The following GRIA4 variants were observed in gnomAD, a reference collection of about 807,000 sequenced individuals.
GRIA4 encodes glutamate ionotropic receptor AMPA type subunit 4, also known as glutamate receptor 4.
GRIA4 carries 34 observed loss-of-function variants against 104.0 expected under a neutral mutation model. That is an observed-to-expected ratio of 0.33 (90% confidence interval 0.25 to 0.44). GRIA4 has a LOEUF of 0.44. Among genes scored for constraint, GRIA4 ranks in the 20% least tolerant of loss-of-function variants. The pLI is 1.00. For missense variants in GRIA4, 750 were observed against 1,096.5 expected, an observed-to-expected ratio of 0.68 and a Z score of 4.46; for synonymous variants, 386 against 381.9, an observed-to-expected ratio of 1.01 and a Z score of -0.13.
chr11:105,781,988 G>A (rs1941748649), intron 4 of GRIA4, among the ~76,000 whole-genome samples: 1 of 152,158 alleles, frequency 6.6e-6, no homozygotes, highest in Non-Finnish European at 1.5e-5. Context: ...AGCAGAAGAT[G>A]GTGCCTAGGA....
At chr11:105,617,830 G>T (rs1950639162) in intron 3 of GRIA4, among the ~76,000 whole-genome samples, 1 of 152,024 alleles carries the variant, frequency 6.6e-6, no homozygotes, top group African/African-American at 2.4e-5. Context: ...ATAGCCCAGT[G>T]GGAAAGAGAG....
intron 3 of GRIA4, among the ~76,000 whole-genome samples, chr11:105,650,539 A>G (rs1951656814): frequency 6.6e-6 from 1 of 152,180 alleles, no homozygotes; most frequent in African/African-American, 2.4e-5. Flanking sequence ...CTTGACAACA[A>G]CCTAAAACTC....
intron 5 of GRIA4, among the ~76,000 whole-genome samples, chr11:105,864,168 T>C (rs1945326030): frequency 6.6e-6 from 1 of 152,230 alleles, no homozygotes; most frequent in Non-Finnish European, 1.5e-5. Context: ...TAATGTACTC[T>C]TAATTGTCCT....
chr11:105,644,534 A>T (rs1050420985), intron 3 of GRIA4, among the ~76,000 whole-genome samples: 6 of 151,916 alleles, frequency 3.9e-5, no homozygotes, highest in African/African-American at 1.2e-4. Flanking sequence ...AACCTGGGAG[A>T]TGGAGGTTGC....
intron 3 of GRIA4, among the ~76,000 whole-genome samples, chr11:105,652,152 T>C (rs558302857): frequency 1.1e-3 from 173 of 152,260 alleles, no homozygotes; most frequent in East Asian, 5.0e-3. Context: ...AGCATTTTCA[T>C]TGTATTAAGA....
intron 5 of GRIA4, among the ~76,000 whole-genome samples, chr11:105,868,477 A>C (rs1945506722): frequency 6.6e-6 from 1 of 152,090 alleles, no homozygotes; most frequent in Non-Finnish European, 1.5e-5. Context: ...TCCCCTAGTG[A>C]TGATAGGGGT....
chr11:105,738,920 T>TAAAAAAAAAAA (rs1208334069), intron 3 of GRIA4, among the ~76,000 whole-genome samples: 1 of 49,302 alleles, frequency 2.0e-5, no homozygotes, highest in African/African-American at 7.8e-5. Context: ...AGTTGACAAG[T>TAAAAAAAAAAA]AAAAAAAAAC....
At chr11:105,702,334 T>G (rs1953526908) in intron 3 of GRIA4, among the ~76,000 whole-genome samples, 1 of 152,080 alleles carries the variant, frequency 6.6e-6, no homozygotes, top group African/African-American at 2.4e-5. Context: ...AATTCCCAAG[T>G]CATTGTGATG....
In GRIA4 at chr11:105,611,002, G is replaced by A. The variant is rs750195433; in HGVS notation, c.5G>A (p.Arg2Lys). Residue 2 changes from arginine (R) to lysine (K), a missense_variant, in exon 2 of 17, where the codon AGG (arginine) becomes AAG (lysine). Arg to Lys is a conservative substitution (Grantham distance 26, BLOSUM62 2). Coordinates refer to ENST00000282499, the MANE Select transcript of GRIA4 (RefSeq NM_000829.4). M[R>K]IISRQIVLLF... ...CCAGGGAGAGGAGAAAAGAAGATGA[G>A]GATTATTTCCAGACAGATTGTCTTG... 8 of 1,609,296 alleles carry A rather than the reference G, an allele frequency of 5.0e-6. No homozygotes were observed. In the East Asian group the frequency reaches 1.3e-4, roughly 27 times the overall value.
rs1283687549 is a variant in GRIA4 at position 105,705,401 on chromosome 11, TA to T, written c.248-47576del. Among the ~76,000 whole-genome samples, 14 of 152,114 alleles carry T rather than the reference TA, an allele frequency of 9.2e-5. No individual in the cohort carries two copies. The South Asian group carries it at 1.9e-3, about 20-fold the overall frequency. Reference sequence around the variant, plus strand: ...TGTACTTCTCAAAATCCAGAGGAGATAAAACAAGAATAAACCAACTACAAAT... The same window carrying T: ...TGTACTTCTCAAAATCCAGAGGAGATAAACAAGAATAAACCAACTACAAAT... On this transcript the variant is annotated intron_variant, in intron 3 of 16. Transcript: ENST00000282499.
chr11:105,965,677 C>CAA (rs5794440), intron 14 of GRIA4, among the ~76,000 whole-genome samples: 10 of 151,710 alleles, frequency 6.6e-5, no homozygotes, highest in East Asian at 3.9e-4. Flanking sequence ...ACTGTTTTGC[C>CAA]AAAAAAAATC....
intron 3 of GRIA4, among the ~76,000 whole-genome samples, chr11:105,643,538 T>C (rs1238691043): frequency 1.3e-5 from 2 of 152,312 alleles, no homozygotes; most frequent in East Asian, 1.9e-4. Flanking sequence ...GCTCAGGTGC[T>C]GATATCCTTG....
At chr11:105,865,561 T>G (rs753586679) in intron 5 of GRIA4, among the ~76,000 whole-genome samples, 4 of 152,200 alleles carry the variant, frequency 2.6e-5, no homozygotes, top group Non-Finnish European at 5.9e-5. Context: ...TATCAATTAT[T>G]TTGTAGAACA....
At chr11:105,940,705 C>G (rs968225233) in intron 14 of GRIA4, among the ~76,000 whole-genome samples, 3 of 152,002 alleles carry the variant, frequency 2.0e-5, no homozygotes, top group African/African-American at 7.2e-5. Flanking sequence ...AAATGTACTC[C>G]TTTGTTTCAG....
chr11:105,689,921 A>G (rs1203526479), intron 3 of GRIA4, among the ~76,000 whole-genome samples: 1 of 152,192 alleles, frequency 6.6e-6, no homozygotes. Context: ...CTTACTTTGA[A>G]GCTTAGTCCA....
intron 3 of GRIA4, among the ~76,000 whole-genome samples, chr11:105,671,132 T>C (rs1243960858): frequency 3.3e-5 from 5 of 152,186 alleles, no homozygotes; most frequent in South Asian, 2.1e-4. Flanking sequence ...TAATTTTCCA[T>C]ATCTCAAGGT....
chr11:105,935,072 G>A (rs1198472284), intron 14 of GRIA4, among the ~76,000 whole-genome samples: 2 of 152,124 alleles, frequency 1.3e-5, no homozygotes, highest in African/African-American at 4.8e-5. Context: ...GTTTTCATTG[G>A]TTTCAAAAGG....
At chr11:105,857,189 A>G (rs73540986) in intron 4 of GRIA4, among the ~76,000 whole-genome samples, 192 of 152,210 alleles carry the variant, frequency 1.3e-3, no homozygotes, top group African/African-American at 4.4e-3. Context: ...TGGTTATTAA[A>G]TCTACTCTAC....
intron 3 of GRIA4, among the ~76,000 whole-genome samples, chr11:105,676,175 T>G (rs1000568221): frequency 1.3e-5 from 2 of 151,772 alleles, no homozygotes; most frequent in African/African-American, 4.8e-5. Context: ...AGATTAGTGC[T>G]TACACTGCTG....
Sources: allele counts gnomAD v4.1 joint callset (sites outside exome capture counted in the v4.1 genomes callset), GRCh38; gene constraint gnomAD v4.1.1; transcripts MANE v1.5; gene names NCBI Gene and HGNC (gene_info 2026-07-23, HGNC 2026-07-21).